The following BCLAF3 variants were observed in gnomAD, a reference collection of about 807,000 sequenced individuals.
BCLAF3 encodes transient octamer binding factor 1.
Under a neutral mutation model 51.2 loss-of-function variants are expected in BCLAF3, and 24 were observed. The ratio of observed to expected loss-of-function variants is 0.47; its 90% CI spans 0.34 to 0.66. The LOEUF is 0.66. Among genes scored for constraint, BCLAF3 ranks in the 30% least tolerant of loss-of-function variants. BCLAF3 has a pLI of 0.01. For missense variants in BCLAF3, 465 were observed against 525.1 expected, an observed-to-expected ratio of 0.89 and a Z score of 1.12; for synonymous variants, 152 against 176.6, an observed-to-expected ratio of 0.86 and a Z score of 1.10.
intron 4 of BCLAF3, among the ~76,000 whole-genome samples, chrX:19,959,087 A>C (rs1041938617): frequency 2.7e-5 from 3 of 112,071 alleles, no homozygotes; most frequent in East Asian, 5.6e-4. Flanking sequence ...CTTTCCCTCT[A>C]TTCCTTTTCA....
At position 19,960,279 on chromosome X, in the gene BCLAF3, T is replaced by C. The variant is rs1460776724; in HGVS notation, c.1275-4713A>G. On this transcript the variant is annotated intron_variant, in intron 4 of 11. Coordinates refer to ENST00000379682, the MANE Select transcript of BCLAF3 (RefSeq NM_001367774.2). ...GTGTCTGTCAACTCAGCTTCAATGG[T>C]CACCAACACATGGCCAATCCAAGCA... Among the ~76,000 whole-genome samples, 21 of 111,082 alleles carry C rather than the reference T, an allele frequency of 1.9e-4. No individual in the cohort carries two copies. In the Admixed American group the frequency reaches 2.0e-3, roughly 11 times the overall value.
chrX:19,944,473 G>T (rs1741279200), intron 8 of BCLAF3, among the ~76,000 whole-genome samples: 1 of 60,903 alleles, frequency 1.6e-5, no homozygotes, highest in Non-Finnish European at 2.6e-5. Flanking sequence ...AGGCCTGGTG[G>T]TGACAAAATC....
At chrX:19,934,165 A>T (rs1048022707) in intron 10 of BCLAF3, among the ~76,000 whole-genome samples, 1 of 112,482 alleles carries the variant, frequency 8.9e-6, no homozygotes, top group African/African-American at 3.2e-5. Context: ...GTAATATTAT[A>T]TAACTTTAAA....
Position 19,935,917 on chromosome X carries a change from T to C in BCLAF3, c.1861-19A>G. ...TATAATTCTGCACGAAAAAAAGTAG[T>C]AGTGTGGGTTAACAGACTTTAAAGT... On this transcript the variant is annotated intron_variant, in intron 9 of 11. Coordinates refer to ENST00000379682, the MANE Select transcript of BCLAF3 (RefSeq NM_001367774.2). The C allele has an allele frequency of 2.7e-6, 3 of 1,121,625 alleles. No individual in the cohort carries two copies. The highest frequency in any genetic ancestry group is 1.8e-5 in the African/African-American group (1 of 55,977). 92.4% of individuals were successfully genotyped at this position (1,121,625 alleles called of 1,213,427 possible).
chrX:19,978,653 T>C (rs1385389019), intron 1 of BCLAF3, among the ~76,000 whole-genome samples: 2 of 112,358 alleles, frequency 1.8e-5, no homozygotes, highest in Non-Finnish European at 3.8e-5. Flanking sequence ...GTTTAGTTGA[T>C]AAAGCAGTAG....
At chrX:19,957,733 G>C (rs912681843) in intron 4 of BCLAF3, among the ~76,000 whole-genome samples, 2 of 111,024 alleles carry the variant, frequency 1.8e-5, no homozygotes, top group Non-Finnish European at 3.8e-5. Context: ...ATTTATCCTA[G>C]AGTTCCTCTA....
chrX:19,937,507 T>C lies in BCLAF3; in HGVS notation c.1771A>G (p.Lys591Glu). ...CCATCAGTATGAACATTCTTTACCT[T>C]TGAAAAACTGGAATTCTGATCATCC... ...ERDDQNSSFS[K>E]VKNVHTDGFQ... is the part of the protein sequence containing the mutation. The change falls in exon 9 of 12, where the codon AAG (lysine) becomes GAG (glutamate). Residue 591 changes from lysine to glutamate, a missense_variant. Lys to Glu is a moderately conservative substitution (Grantham distance 56). Coordinates refer to ENST00000379682, the MANE Select transcript of BCLAF3 (RefSeq NM_001367774.2). The C allele has an allele frequency of 3.5e-6, 4 of 1,136,696 alleles. No homozygotes were observed. Among genetic ancestry groups the C allele is most frequent in the Non-Finnish European group, 2.4e-6 (2 of 840,683 alleles). 93.7% of individuals were successfully genotyped at this position (1,136,696 alleles called of 1,213,427 possible).
Position 19,920,151 on chromosome X carries a change from A to T in BCLAF3, c.2107-2817T>A, listed in dbSNP as rs779694395. ...AACTCTTGGTACTGAGACTCTAGCA[A>T]ACTTCCCAGGGTGGTAATGTATCGC... On this transcript the variant is annotated intron_variant, in intron 11 of 11. Transcript: ENST00000379682. Among the ~76,000 whole-genome samples, 5 of 111,895 alleles carry T rather than the reference A, an allele frequency of 4.5e-5. No homozygotes were observed. In the South Asian group the frequency reaches 1.5e-3, roughly 33 times the overall value.
intron 8 of BCLAF3, among the ~76,000 whole-genome samples, chrX:19,937,878 AC>A (rs2070833348): frequency 8.9e-6 from 1 of 111,792 alleles, no homozygotes; most frequent in African/African-American, 3.3e-5. Flanking sequence ...CTGCTCTAGA[AC>A]CTTTGGCAGC....
chrX:19,939,943 T>G (rs973512281), intron 8 of BCLAF3, among the ~76,000 whole-genome samples: 3 of 111,607 alleles, frequency 2.7e-5, no homozygotes, highest in Non-Finnish European at 1.9e-5. Flanking sequence ...GCATGAGGAG[T>G]TACTGTTCAA....
intron 5 of BCLAF3, 50 bp downstream of exon 5, chrX:19,955,341 T>C: frequency 2.1e-6 from 2 of 963,427 alleles, no homozygotes; most frequent in Admixed American, 3.2e-5. Flanking sequence ...ATCTCGTGAA[T>C]AGTATATTAC....
At chrX:19,939,805 A>G (rs1208753109) in intron 8 of BCLAF3, among the ~76,000 whole-genome samples, 2 of 112,289 alleles carry the variant, frequency 1.8e-5, no homozygotes, top group Non-Finnish European at 3.8e-5. Flanking sequence ...TGAAAACACT[A>G]TGCTAAGTGA....
At chrX:19,975,979 T>C (rs1476891706) in intron 1 of BCLAF3, among the ~76,000 whole-genome samples, 1 of 112,191 alleles carries the variant, frequency 8.9e-6, no homozygotes, top group Non-Finnish European at 1.9e-5. Context: ...ATAGTGACTT[T>C]GGTCTTTGGA....
chrX:19,941,587 T>A (rs1326190828), intron 8 of BCLAF3, among the ~76,000 whole-genome samples: 6 of 109,213 alleles, frequency 5.5e-5, no homozygotes, highest in Non-Finnish European at 1.1e-4. Flanking sequence ...GTTGTAGATA[T>A]GTGGCGTTAT....
chrX:19,973,859 G>C (rs1324663516), intron 1 of BCLAF3, among the ~76,000 whole-genome samples: 1 of 112,178 alleles, frequency 8.9e-6, no homozygotes, highest in Non-Finnish European at 1.9e-5. Context: ...TTAGCAATTG[G>C]GAAAATACAA....
rs1298379317 is a variant in BCLAF3, at chrX:19,914,494, C to T, written c.*2811G>A. 1 of 101,385 alleles carries T rather than the reference C, an allele frequency of 9.9e-6. No individual in the cohort carries two copies. Among genetic ancestry groups the T allele is most frequent in the African/African-American group, 3.7e-5 (1 of 27,043 alleles). The allele number at this position is 101,385 out of a possible 1,213,427, so 8.4% of individuals were successfully genotyped here. On this transcript the variant is annotated 3_prime_UTR_variant, in exon 12 of 12. Coordinates refer to ENST00000379682, the MANE Select transcript of BCLAF3 (RefSeq NM_001367774.2). ...TTTCTTGCTTCTGCCTGGAAGTATCCCCGTCTTTTTTTTAAAAAAAAAACT... is the reference window on the plus strand; with the variant it reads ...TTTCTTGCTTCTGCCTGGAAGTATCTCCGTCTTTTTTTTAAAAAAAAAACT...
chrX:19,955,085 G>A (rs2147903465), intron 5 of BCLAF3, among the ~76,000 whole-genome samples: 1 of 111,039 alleles, frequency 9.0e-6, no homozygotes, highest in Non-Finnish European at 1.9e-5. Flanking sequence ...TCCCTGTTAG[G>A]TTACCAGTTA....
At chrX:19,983,914 TA>T (rs1202307099) in intron 1 of BCLAF3, among the ~76,000 whole-genome samples, 3 of 94,973 alleles carry the variant, frequency 3.2e-5, no homozygotes, top group East Asian at 3.4e-4. Flanking sequence ...GCTAAAAATA[TA>T]AAAAAATGTA....
At chrX:19,921,006 G>T (rs751188117) in intron 11 of BCLAF3, among the ~76,000 whole-genome samples, 94 of 111,368 alleles carry the variant, frequency 8.4e-4, no homozygotes, top group African/African-American at 2.9e-3. Context: ...ATGGGGCTCA[G>T]GAGGCTATTT....
Sources: allele counts gnomAD v4.1 joint callset (sites outside exome capture counted in the v4.1 genomes callset), GRCh38; gene constraint gnomAD v4.1.1; transcripts MANE v1.5; gene names NCBI Gene and HGNC (gene_info 2026-07-23, HGNC 2026-07-21).